ZFYVE28: variants seen among roughly 807,000 people sequenced by gnomAD.
The protein encoded by ZFYVE28 is lateral signaling target protein 2 homolog.
A neutral mutation model predicts 82.1 loss-of-function variants in ZFYVE28; 40 were observed. The observed-to-expected ratio is 0.49, with a 90% CI of 0.38 to 0.63. The LOEUF is 0.63. Ranked by LOEUF, ZFYVE28 falls within the 30% of genes least tolerant of loss-of-function variation. The pLI is 0.00. For missense variants in ZFYVE28, 1,321 were observed against 1,242.1 expected, an observed-to-expected ratio of 1.06 and a Z score of -0.96; for synonymous variants, 612 against 546.1, an observed-to-expected ratio of 1.12 and a Z score of -1.68.
chr4:2,339,361 T>C lies in ZFYVE28; in HGVS notation c.521+92A>G. The C allele has an allele frequency of 7.0e-7, 1 of 1,433,340 alleles. No homozygotes were observed. The highest frequency in any genetic ancestry group is 2.1e-5 in the Admixed American group (1 of 46,954). The allele number at this position is 1,433,340 out of a possible 1,614,324, so 88.8% of individuals were successfully genotyped here. ...GCCTGGCTCCTCCCTCTGTGGAATT[T>C]TCCAGCTTGAAGTATCAGGGTGAGC... is the stretch of plus-strand genomic sequence containing the variant. On this transcript the variant is annotated intron_variant, in intron 4 of 12. Coordinates refer to ENST00000290974, the MANE Select transcript of ZFYVE28 (RefSeq NM_020972.3). This position sits in a 1 kb window ranked among gnomAD's most constrained non-coding sequence, Gnocchi z 5.0.
intron 1 of ZFYVE28, among the ~76,000 whole-genome samples, chr4:2,410,288 C>T (rs1035865605): frequency 1.2e-4 from 18 of 152,082 alleles, no homozygotes; most frequent in African/African-American, 4.1e-4. Context: ...ACTCTCCAAC[C>T]CCTGGCAACC....
chr4:2,387,227 G>C (rs892887044), intron 1 of ZFYVE28, among the ~76,000 whole-genome samples: 3 of 152,206 alleles, frequency 2.0e-5, no homozygotes, highest in African/African-American at 7.2e-5. Flanking sequence ...GAACCCGGAA[G>C]CACAGTCCAG....
chr4:2,285,402 A>G (rs1712571884), intron 8 of ZFYVE28: 1 of 152,248 alleles, frequency 6.6e-6, no homozygotes, highest in African/African-American at 2.4e-5. Context: ...TGACCCCGCC[A>G]TGGCGCCGGC....
chr4:2,388,543 C>T (rs1456656355), intron 1 of ZFYVE28, among the ~76,000 whole-genome samples: 1 of 152,124 alleles, frequency 6.6e-6, no homozygotes, highest in Non-Finnish European at 1.5e-5. Context: ...GCCCTAAGAC[C>T]CACCCAGGCA....
intron 8 of ZFYVE28, among the ~76,000 whole-genome samples, chr4:2,301,152 G>A (rs1332347989): frequency 6.6e-6 from 1 of 152,202 alleles, no homozygotes; most frequent in Non-Finnish European, 1.5e-5. Flanking sequence ...CCGTATTGGT[G>A]TGAGGTGACA....
rs991247510 is a variant in ZFYVE28, at chr4:2,362,453, C to A, written c.40-8380G>T. Among the ~76,000 whole-genome samples the A allele has an allele frequency of 6.6e-6, 1 of 152,164 alleles. No homozygotes were observed. The highest frequency in any genetic ancestry group is 1.5e-5 in the Non-Finnish European group (1 of 68,020). On this transcript the variant is annotated intron_variant, in intron 1 of 12. Coordinates refer to ENST00000290974, the MANE Select transcript of ZFYVE28 (RefSeq NM_020972.3). This position sits in a 1 kb window ranked among gnomAD's most constrained non-coding sequence, Gnocchi z 5.1. The stretch of plus-strand genomic sequence containing the variant: ...ACTAATGGCCGAGCAAGCCCCTCCA[C>A]CCCTCCACCACTGGGGCTAGAATTG...
chr4:2,295,029 C>A (rs1354404706), intron 8 of ZFYVE28, among the ~76,000 whole-genome samples: 1 of 152,160 alleles, frequency 6.6e-6, no homozygotes, highest in Non-Finnish European at 1.5e-5. Context: ...CAACGAGGTA[C>A]CACTTCACAC....
chr4:2,309,791 ATATC>A (rs1394956648), intron 7 of ZFYVE28, among the ~76,000 whole-genome samples: 2 of 152,184 alleles, frequency 1.3e-5, no homozygotes, highest in Non-Finnish European at 2.9e-5. Flanking sequence ...ATCTGTTTCT[ATATC>A]TATCTGTGAC....
chr4:2,410,738 G>T (rs189139417), intron 1 of ZFYVE28, among the ~76,000 whole-genome samples: 2 of 152,002 alleles, frequency 1.3e-5, no homozygotes, highest in African/African-American at 4.8e-5. Context: ...CTCGTGATCC[G>T]CCTGCCTCGA....
In ZFYVE28 at chr4:2,270,237, A is replaced by G. The variant is rs1735794997; in HGVS notation, c.*488T>C. ...GGCTGGGGAACGAGGTGGGCAGCTGATGGGGAGAATGGGTAGCCTGCATTT... is the reference window on the plus strand; with the variant it reads ...GGCTGGGGAACGAGGTGGGCAGCTGGTGGGGAGAATGGGTAGCCTGCATTT... On this transcript the variant is annotated 3_prime_UTR_variant, in exon 13 of 13. Coordinates refer to ENST00000290974, the MANE Select transcript of ZFYVE28 (RefSeq NM_020972.3). The G allele has an allele frequency of 1.2e-5, 2 of 167,162 alleles. No individual in the cohort carries two copies. The highest frequency in any genetic ancestry group is 4.8e-5 in the African/African-American group (2 of 41,672). The allele number at this position is 167,162 out of a possible 1,614,324, so 10.4% of individuals were successfully genotyped here.
At chr4:2,414,677 T>C (rs1732856560) in intron 1 of ZFYVE28, among the ~76,000 whole-genome samples, 1 of 152,172 alleles carries the variant, frequency 6.6e-6, no homozygotes, top group South Asian at 2.1e-4. Context: ...TCCTGAGTGA[T>C]ATTAATATGC....
At chr4:2,365,719 G>A (rs1726807598) in intron 1 of ZFYVE28, among the ~76,000 whole-genome samples, 1 of 152,172 alleles carries the variant, frequency 6.6e-6, no homozygotes, top group African/African-American at 2.4e-5. Flanking sequence ...CGGGGAGGAC[G>A]TCTCCCAGGC....
chr4:2,334,470 C>G (rs1721253123), intron 6 of ZFYVE28, among the ~76,000 whole-genome samples: 1 of 152,032 alleles, frequency 6.6e-6, no homozygotes. Flanking sequence ...GCTCCCACCT[C>G]TGCACCCCCA....
intron 8 of ZFYVE28, among the ~76,000 whole-genome samples, chr4:2,283,313 A>C (rs1577889557): frequency 6.7e-6 from 1 of 148,406 alleles, no homozygotes; most frequent in Non-Finnish European, 1.5e-5. Flanking sequence ...CCACTCATCC[A>C]CCCACCCATC....
At position 2,336,960 on chromosome 4, in the gene ZFYVE28, T is replaced by G. The variant is rs374982590; in HGVS notation, c.611+447A>C. Among the ~76,000 whole-genome samples the G allele has an allele frequency of 1.6e-3, 171 of 106,496 alleles. 2 individuals carry two copies. The East Asian group carries it at 0.02, about 13-fold the overall frequency. The allele number at this position is 106,496 out of a possible 152,430, so 69.9% of individuals were successfully genotyped here. On this transcript the variant is annotated intron_variant, in intron 5 of 12. Transcript: ENST00000290974. Reference sequence around the variant, plus strand: ...AGGTGAGGAGTGAGGGGGTGAGGAGTTAGGTGGTGAGGAGTGAGGAGGTGA... The same window carrying G: ...AGGTGAGGAGTGAGGGGGTGAGGAGGTAGGTGGTGAGGAGTGAGGAGGTGA...
intron 1 of ZFYVE28, among the ~76,000 whole-genome samples, chr4:2,377,222 C>T (rs55982444): frequency 0.1 from 15,851 of 152,070 alleles, 889 homozygotes; most frequent in East Asian, 0.12. Context: ...AGGGTTTTGC[C>T]GTGTTAGCCA....
At chr4:2,377,167 G>A (rs973115616) in intron 1 of ZFYVE28, among the ~76,000 whole-genome samples, 3 of 151,770 alleles carry the variant, frequency 2.0e-5, no homozygotes, top group Admixed American at 6.6e-5. Flanking sequence ...GATTACAGGC[G>A]CCCGCTACCA....
rs765788280 is a variant in ZFYVE28, at chr4:2,335,804, G to A, written c.612-10C>T. ...CCCGAAGTCCAGGGCCCTGTCCGGG[G>A]AGACGGACAGTGAGCAGCATGAGGG... On this transcript the variant is annotated splice_polypyrimidine_tract_variant and intron_variant, in intron 5 of 12. Coordinates refer to ENST00000290974, the MANE Select transcript of ZFYVE28 (RefSeq NM_020972.3). The surrounding 1 kb of genome is among the most constrained non-coding windows in gnomAD (Gnocchi z 5.8). 6.4e-6 allele frequency: 10 copies of A among 1,553,372 alleles called. No individual in the cohort carries two copies. The highest frequency in any genetic ancestry group is 4.1e-5 in the African/African-American group (3 of 73,464).
At chr4:2,273,092 G>A in intron 10 of ZFYVE28, 81 bp downstream of exon 10, 16 of 1,195,762 alleles carry the variant, frequency 1.3e-5, no homozygotes, top group East Asian at 4.8e-5. Flanking sequence ...CAGAAGGTGT[G>A]GATTTCTGAG....
Sources: gnomAD v4.1 joint callset for allele counts (sites outside exome capture counted in the v4.1 genomes callset) on GRCh38, gnomAD v4.1.1 for gene constraint, Gnocchi (gnomAD v3.1) non-coding constraint, MANE v1.5 for transcripts, NCBI Gene and HGNC (gene_info 2026-07-23, HGNC 2026-07-21) for gene names.